EEA1: variants seen among roughly 807,000 people sequenced by gnomAD.
EEA1 encodes early endosome antigen 1, 162kD.
In EEA1, 111 loss-of-function variants were observed where a neutral mutation model predicts 209.2. The observed-to-expected ratio is 0.53, with a 90% CI of 0.45 to 0.62. EEA1 has a LOEUF of 0.62. Ranked by LOEUF, EEA1 falls within the 20% of genes least tolerant of loss-of-function variation. The probability of loss-of-function intolerance (pLI) is 0.00; values close to 1 mark genes in which losing one functional copy is unlikely to be tolerated. For synonymous variants in EEA1, 536 were observed against 540.6 expected (o/e 0.99, Z 0.12); for missense variants, 1,343 against 1,530.8 (o/e 0.88, Z 2.05).
intron 22 of EEA1, among the ~76,000 whole-genome samples, chr12:92,783,179 T>C (rs887921158): frequency 6.6e-6 from 1 of 152,212 alleles, no homozygotes; most frequent in Admixed American, 6.5e-5. Context: ...CCTGGATTAA[T>C]GATTGGTGTT....
rs3925797 is a variant in EEA1, at chr12:92,813,102, G to C, written c.1930-9C>G. The C allele has an allele frequency of 1.3e-6, 2 of 1,528,458 alleles. No individual in the cohort carries two copies. Among genetic ancestry groups the C allele is most frequent in the South Asian group, 1.2e-5 (1 of 80,916 alleles). 94.7% of individuals were successfully genotyped at this position (1,528,458 alleles called of 1,614,324 possible). ...TCGGTTTTGGCTTTAATCTGTAACAGCATTTACAAATTATTTAATTTATAT... is the reference window on the plus strand; with the variant it reads ...TCGGTTTTGGCTTTAATCTGTAACACCATTTACAAATTATTTAATTTATAT... On this transcript the variant is annotated splice_polypyrimidine_tract_variant and intron_variant, in intron 15 of 28. Coordinates refer to ENST00000322349, the MANE Select transcript of EEA1 (RefSeq NM_003566.4).
chr12:92,810,804 A>G (rs1875457145), intron 17 of EEA1, among the ~76,000 whole-genome samples: 2 of 152,160 alleles, frequency 1.3e-5, no homozygotes, highest in African/African-American at 4.8e-5. Flanking sequence ...GTTGTGTTAA[A>G]GTAAGATACA....
At chr12:92,832,246 C>T (rs1418473845) in intron 11 of EEA1, among the ~76,000 whole-genome samples, 1 of 151,908 alleles carries the variant, frequency 6.6e-6, no homozygotes, top group Non-Finnish European at 1.5e-5. Flanking sequence ...ACCTACACGC[C>T]CCAGGTACCA....
chr12:92,858,034 G>A (rs559238974), intron 3 of EEA1: 5 of 371,402 alleles, frequency 1.3e-5, no homozygotes, highest in South Asian at 6.2e-5. Context: ...CCATCTTGCC[G>A]CTGCTCCTTC....
chr12:92,779,196 T>G lies in EEA1; in HGVS notation c.3573A>C (p.Arg1191Ser). ...SLKAAVEQEKRNQQILKDQVK... is the reference protein window; with the variant it reads ...SLKAAVEQEKSNQQILKDQVK... ...CCTGGTCTTTTAGTATCTGCTGATT[T>G]CTCTTCTCCTGTTCAACAGCTGCCT... Residue 1191 changes from arginine (R) to serine (S), a missense_variant, in exon 25 of 29, where the codon AGA becomes AGC. By Grantham distance (110) the Arg-to-Ser change is moderately radical (BLOSUM62 -1). This residue lies in a region of EEA1 where 1,307 missense variants were observed against 1,465.5 expected (regional missense o/e 0.89). Transcript: ENST00000322349. 1 of 1,611,980 alleles carries G rather than the reference T, an allele frequency of 6.2e-7. No individual in the cohort carries two copies. The highest frequency in any genetic ancestry group is 1.1e-5 in the South Asian group (1 of 90,624).
chr12:92,927,519 T>A (rs1245545397), intron 1 of EEA1, among the ~76,000 whole-genome samples: 2 of 152,212 alleles, frequency 1.3e-5, no homozygotes, highest in Admixed American at 6.5e-5. Context: ...CTAGAAAGCA[T>A]CCCATATTTC....
At chr12:92,786,091 T>C (rs1201090006) in intron 22 of EEA1, among the ~76,000 whole-genome samples, 2 of 151,584 alleles carry the variant, frequency 1.3e-5, no homozygotes. Flanking sequence ...AAGTTTCATC[T>C]CTTCTATCAT....
intron 10 of EEA1, among the ~76,000 whole-genome samples, chr12:92,841,669 A>T (rs1015272796): frequency 2.0e-5 from 3 of 152,220 alleles, no homozygotes; most frequent in South Asian, 4.1e-4. Flanking sequence ...TCAAAGCCAC[A>T]ATGAGATACC....
At chr12:92,858,427 A>AT in intron 3 of EEA1, 1 of 1,228,280 alleles carries the variant, frequency 8.1e-7, no homozygotes. Context: ...CAGTCACCAG[A>AT]TATTTCTGAA....
intron 1 of EEA1, among the ~76,000 whole-genome samples, chr12:92,897,894 AAAGT>A (rs535147097): frequency 1.8e-3 from 271 of 152,364 alleles, no homozygotes; most frequent in African/African-American, 6.3e-3. Context: ...TTTTTTAATT[AAAGT>A]ATCTATTAGA....
At chr12:92,856,657 T>C (rs1161376534) in intron 5 of EEA1, among the ~76,000 whole-genome samples, 1 of 151,988 alleles carries the variant, frequency 6.6e-6, no homozygotes, top group African/African-American at 2.4e-5. Context: ...TTAAATGCTT[T>C]GAAGACTCAC....
At chr12:92,900,235 A>C (rs1395331630) in intron 1 of EEA1, among the ~76,000 whole-genome samples, 1 of 152,104 alleles carries the variant, frequency 6.6e-6, no homozygotes, top group African/African-American at 2.4e-5. Context: ...CTCATTTCAG[A>C]TTTCTCCCCT....
chr12:92,796,560 G>A (rs573421507), intron 21 of EEA1, among the ~76,000 whole-genome samples: 1 of 151,630 alleles, frequency 6.6e-6, no homozygotes, highest in South Asian at 2.1e-4. Context: ...TAACTCTATA[G>A]CTATAGATAT....
intron 2 of EEA1, among the ~76,000 whole-genome samples, chr12:92,883,014 A>G (rs751231938): frequency 1.3e-5 from 2 of 152,352 alleles, no homozygotes; most frequent in African/African-American, 2.4e-5. Flanking sequence ...CAGTGGCTGA[A>G]CTAATTTACA....
At position 92,889,716 on chromosome 12, in the gene EEA1, T is replaced by C. The variant is rs529174098; in HGVS notation, c.117+1913A>G. Reference sequence around the variant, plus strand: ...GTGTTTGAGACCAGGCTGGCCAACATGGCAAAACCCCGTCTCTACTAAAAA... The same window carrying C: ...GTGTTTGAGACCAGGCTGGCCAACACGGCAAAACCCCGTCTCTACTAAAAA... On this transcript the variant is annotated intron_variant, in intron 2 of 28. Transcript: ENST00000322349. Among the ~76,000 whole-genome samples the C allele has an allele frequency of 5.9e-5, 9 of 152,188 alleles. No homozygotes were observed. In the East Asian group the frequency reaches 1.2e-3, roughly 20 times the overall value.
At chr12:92,879,543 G>C (rs1277078593) in intron 2 of EEA1, among the ~76,000 whole-genome samples, 1 of 151,860 alleles carries the variant, frequency 6.6e-6, no homozygotes, top group African/African-American at 2.4e-5. Flanking sequence ...CAAAGGGAAG[G>C]GGGAGGGGAA....
chr12:92,926,565 C>T (rs554459234), intron 1 of EEA1, among the ~76,000 whole-genome samples: 1 of 152,264 alleles, frequency 6.6e-6, no homozygotes, highest in Non-Finnish European at 1.5e-5. Context: ...AAATACTCAG[C>T]ATTAACACTG....
intron 1 of EEA1, among the ~76,000 whole-genome samples, chr12:92,922,282 A>G (rs1881039051): frequency 6.6e-6 from 1 of 151,982 alleles, no homozygotes; most frequent in Non-Finnish European, 1.5e-5. Context: ...CATCTATTCC[A>G]CCACCCTCAC....
chr12:92,877,220 C>A (rs746093599), intron 2 of EEA1, among the ~76,000 whole-genome samples: 3 of 149,646 alleles, frequency 2.0e-5, no homozygotes, highest in Non-Finnish European at 4.4e-5. Flanking sequence ...CTCAACTGAT[C>A]CGCCAGCCTG....
Sources: allele counts gnomAD v4.1 joint callset (sites outside exome capture counted in the v4.1 genomes callset), GRCh38; gene constraint gnomAD v4.1.1; regional missense constraint gnomAD v4.1.1; transcripts MANE v1.5; gene names NCBI Gene and HGNC (gene_info 2026-07-23, HGNC 2026-07-21).